ABCG2: variants seen among roughly 807,000 people sequenced by gnomAD.
ABCG2 encodes broad substrate specificity ATP-binding cassette transporter ABCG2.
ABCG2 carries 80 observed loss-of-function variants against 73.5 expected under a neutral mutation model. The ratio of observed to expected loss-of-function variants is 1.09; its 90% confidence interval spans 0.91 to 1.31. The LOEUF (loss-of-function observed/expected upper bound fraction) is 1.31, where lower values mean the gene tolerates loss of function less well. ABCG2 is among the 50% of genes most tolerant of loss of function. The probability of loss-of-function intolerance (pLI) is 0.00; values close to 1 mark genes in which losing one functional copy is unlikely to be tolerated. For missense variants in ABCG2, 796 were observed against 786.2 expected (o/e 1.01, Z -0.15); for synonymous variants, 269 against 282.4 (o/e 0.95, Z 0.48).
chr4:88,114,519 C>T (rs1032559084), intron 8 of ABCG2, among the ~76,000 whole-genome samples: 1 of 151,230 alleles, frequency 6.6e-6, no homozygotes, highest in Non-Finnish European at 1.5e-5. Context: ...TCTAGTTGCT[C>T]AGTAAGCTGA....
At position 88,195,423 on chromosome 4, in the gene ABCG2, T is replaced by C. The variant is rs1028059156; in HGVS notation, c.-20+35571A>G. ...AAACAGATAGGGTCCATATAATATG[T>C]GGTCGGCTTGTTAGCAGCAGAAGGT... On this transcript the variant is annotated intron_variant, in intron 1 of 15. Coordinates refer to the ABCG2 transcript ENST00000515655. Among the ~76,000 whole-genome samples the C allele has an allele frequency of 3.8e-4, 58 of 152,168 alleles. 1 individual carries two copies. The highest frequency in any genetic ancestry group is 1.2e-3 in the African/African-American group (50 of 41,442).
At chr4:88,190,842 G>T (rs939988073) in intron 1 of ABCG2, among the ~76,000 whole-genome samples, 2 of 151,668 alleles carry the variant, frequency 1.3e-5, no homozygotes, top group Non-Finnish European at 2.9e-5. Flanking sequence ...AATATTGCAC[G>T]TGCCCTTTTC....
upstream of ABCG2, among the ~76,000 whole-genome samples, chr4:88,160,848 CAAAAAAA>C (rs765758097): frequency 1.1e-4 from 4 of 37,460 alleles, no homozygotes; most frequent in Admixed American, 2.9e-4. Context: ...GACTCCATCT[CAAAAAAA>C]AAAAAAAAAA....
intron 6 of ABCG2, 21 bp downstream of exon 6, chr4:88,121,611 GAAT>G: frequency 6.2e-7 from 1 of 1,609,072 alleles, no homozygotes; most frequent in South Asian, 1.1e-5. Context: ...ATTAACTAAA[GAAT>G]AATGTTTCCA....
intron 10 of ABCG2, 124 bp from the exon 11 acceptor site, chr4:88,101,443 G>C: frequency 1.2e-6 from 1 of 840,330 alleles, no homozygotes; most frequent in South Asian, 1.5e-5. Context: ...AAGGGAAACT[G>C]TTCTGGTTGG....
At chr4:88,113,642 C>T in intron 8 of ABCG2, 89 bp from the exon 9 acceptor site, 1 of 1,482,340 alleles carries the variant, frequency 6.7e-7, no homozygotes, top group Non-Finnish European at 9.1e-7. Context: ...TGGATGCTTC[C>T]CTAACACCTT....
chr4:88,098,687 G>GATAGATAT (rs1304130488), intron 12 of ABCG2, among the ~76,000 whole-genome samples: 2 of 151,908 alleles, frequency 1.3e-5, no homozygotes, highest in Non-Finnish European at 2.9e-5. Context: ...TAGATAGATA[G>GATAGATAT]ACAGATAGAA....
At chr4:88,138,991 A>C (rs1048391479) in intron 2 of ABCG2, among the ~76,000 whole-genome samples, 1 of 151,972 alleles carries the variant, frequency 6.6e-6, no homozygotes, top group Non-Finnish European at 1.5e-5. Flanking sequence ...AAATACAAAA[A>C]TTAGCCAGGC....
At chr4:88,134,285 C>T (rs1301034226) in intron 2 of ABCG2, among the ~76,000 whole-genome samples, 1 of 152,162 alleles carries the variant, frequency 6.6e-6, no homozygotes, top group Non-Finnish European at 1.5e-5. Context: ...CATTTACTGC[C>T]TGTTGTACTT....
At position 88,091,054 on chromosome 4, in the gene ABCG2, T is replaced by C. The variant is rs1721614702; in HGVS notation, c.*1180A>G. 1 of 152,204 alleles carries C rather than the reference T, an allele frequency of 6.6e-6. No homozygotes were observed. The highest frequency in any genetic ancestry group is 2.1e-4 in the South Asian group (1 of 4,832). The allele number at this position is 152,204 out of a possible 1,614,324, so 9.4% of individuals were successfully genotyped here. A position where few individuals can be genotyped will look rare whatever the true frequency, so the allele number is the denominator to read the frequency against. ...ACACTTGGCTGTAGCAATGTTCTCA[T>C]AACAGCAACAGAGGGAAATACATCA... On this transcript the variant is annotated 3_prime_UTR_variant, in exon 16 of 16. Transcript: ENST00000237612.
At chr4:88,139,101 G>C (rs1725439250) in intron 2 of ABCG2, among the ~76,000 whole-genome samples, 1 of 150,002 alleles carries the variant, frequency 6.7e-6, no homozygotes, top group African/African-American at 2.5e-5. Flanking sequence ...AGATTGTGCT[G>C]CTGCACTCCA....
At chr4:88,181,132 TGGC>T (rs1728217025) in intron 1 of ABCG2, among the ~76,000 whole-genome samples, 1 of 152,088 alleles carries the variant, frequency 6.6e-6, no homozygotes, top group Non-Finnish European at 1.5e-5. Flanking sequence ...GCCGGTGCGG[TGGC>T]TCACGCCTGT....
chr4:88,179,060 C>G (rs1219753953), intron 1 of ABCG2, among the ~76,000 whole-genome samples: 1 of 151,306 alleles, frequency 6.6e-6, no homozygotes, highest in Non-Finnish European at 1.5e-5. Flanking sequence ...AGGTGGTAGA[C>G]AGGCAGTGGT....
At chr4:88,186,918 C>CAA (rs35676506) in intron 1 of ABCG2, among the ~76,000 whole-genome samples, 4 of 76,332 alleles carry the variant, frequency 5.2e-5, no homozygotes, top group Non-Finnish European at 7.1e-5. Flanking sequence ...GACTCCGTCT[C>CAA]AAAAAAAAAA....
intron 1 of ABCG2, among the ~76,000 whole-genome samples, chr4:88,228,417 C>A (rs1378610518): frequency 6.6e-6 from 1 of 152,120 alleles, no homozygotes; most frequent in African/African-American, 2.4e-5. Flanking sequence ...TAATTCAGAC[C>A]CGGGATAGCT....
chr4:88,216,190 T>TGCTTAAG (rs570045992), intron 1 of ABCG2, among the ~76,000 whole-genome samples: 29 of 152,310 alleles, frequency 1.9e-4, no homozygotes, highest in African/African-American at 7.0e-4. Context: ...GTTTACTTCA[T>TGCTTAAG]GCTTAAGGCA....
At chr4:88,156,583 G>T (rs773937703) in intron 1 of ABCG2, among the ~76,000 whole-genome samples, 1 of 151,964 alleles carries the variant, frequency 6.6e-6, no homozygotes, top group Non-Finnish European at 1.5e-5. Flanking sequence ...GAACAGGAGA[G>T]AAGGGTCAAC....
intron 1 of ABCG2, among the ~76,000 whole-genome samples, chr4:88,141,875 G>T (rs1725672988): frequency 6.6e-6 from 1 of 152,096 alleles, no homozygotes; most frequent in Admixed American, 6.6e-5. Flanking sequence ...ACAAAAGATT[G>T]ATGTGTTTAA....
upstream of ABCG2, among the ~76,000 whole-genome samples, chr4:88,164,312 A>T (rs1727428527): frequency 6.6e-6 from 1 of 152,110 alleles, no homozygotes; most frequent in Non-Finnish European, 1.5e-5. Flanking sequence ...GTGATCCACC[A>T]CCTCGGCCTC....
Sources: gnomAD v4.1 joint callset for allele counts (sites outside exome capture counted in the v4.1 genomes callset) on GRCh38, gnomAD v4.1.1 for gene constraint, MANE v1.5 for transcripts, NCBI Gene and HGNC (gene_info 2026-07-23, HGNC 2026-07-21) for gene names.